The following RFX2 variants were observed in gnomAD, a reference collection of about 807,000 sequenced individuals.
RFX2 encodes the protein DNA-binding protein RFX2.
A neutral mutation model predicts 87.8 loss-of-function variants in RFX2; 20 were observed. The ratio of observed to expected loss-of-function variants is 0.23; its 90% CI spans 0.16 to 0.33. The LOEUF is 0.33. RFX2 is among the 10% of genes least tolerant of loss of function. The pLI is 1.00. For synonymous variants in RFX2, 397 were observed against 431.3 expected (o/e 0.92, Z 0.98); for missense variants, 767 against 1,012.3 (o/e 0.76, Z 3.29).
chr19:6,064,809 T>C lies in RFX2; in HGVS notation c.-8-17305A>G, dbSNP rs62107190. Among the ~76,000 whole-genome samples the C allele has an allele frequency of 5.3e-5, 8 of 152,050 alleles. No individual in the cohort carries two copies. The highest frequency in any genetic ancestry group is 1.0e-4 in the Non-Finnish European group (7 of 68,016). ...ACATAGGGGACCTTTTCAATCTACC[T>C]CCTACCTCCCCTCCAGTCGTGATTT... is the stretch of plus-strand genomic sequence containing the variant. On this transcript the variant is annotated intron_variant, in intron 1 of 17. Transcript: ENST00000303657. The surrounding 1 kb of genome is among the most constrained non-coding windows in gnomAD (Gnocchi z 4.8).
intron 7 of RFX2, among the ~76,000 whole-genome samples, chr19:6,015,802 A>C (rs1031485057): frequency 6.6e-6 from 1 of 152,174 alleles, no homozygotes; most frequent in Non-Finnish European, 1.5e-5. Context: ...CACCTGGCCC[A>C]GAGGCTGCTC....
At chr19:6,104,568 C>CA (rs576267913) in intron 1 of RFX2, among the ~76,000 whole-genome samples, 29,915 of 120,882 alleles carry the variant, frequency 0.25, 5,742 homozygotes, top group African/African-American at 0.55. Flanking sequence ...GACTCCATCT[C>CA]AAAAAAAAAA....
chr19:6,040,479 G>A lies in RFX2; in HGVS notation c.261-238C>T, dbSNP rs1464126164. Among the ~76,000 whole-genome samples the A allele has an allele frequency of 6.6e-6, 1 of 152,186 alleles. No individual in the cohort carries two copies. Among genetic ancestry groups the A allele is most frequent in the Non-Finnish European group, 1.5e-5 (1 of 68,042 alleles). The stretch of plus-strand genomic sequence containing the variant: ...AAAAGTGACCACTTAAAAATTCTAG[G>A]CCAGGCGTGGTGGCTCACGCCTGTA... On this transcript the variant is annotated intron_variant, in intron 4 of 17. Transcript: ENST00000303657. This position sits in a 1 kb window ranked among gnomAD's most constrained non-coding sequence, Gnocchi z 6.1.
At chr19:6,108,707 G>T (rs113206366) in intron 1 of RFX2, among the ~76,000 whole-genome samples, 1 of 152,190 alleles carries the variant, frequency 6.6e-6, no homozygotes, top group African/African-American at 2.4e-5. Context: ...TGAAGCCTGG[G>T]GGGGCGGGGG....
intron 1 of RFX2, chr19:6,073,264 G>A: frequency 1.3e-6 from 1 of 752,382 alleles, no homozygotes; most frequent in Non-Finnish European, 2.3e-6. Flanking sequence ...ACAGACATGA[G>A]CCACCGCGCC....
chr19:6,070,168 T>G (rs1238466888), intron 1 of RFX2, among the ~76,000 whole-genome samples: 8 of 114 alleles, frequency 0.07, no homozygotes, highest in South Asian at 0.17. Context: ...GGATGGGATG[T>G]GAATGGGATG....
intron 1 of RFX2, among the ~76,000 whole-genome samples, chr19:6,095,037 A>G (rs1489022587): frequency 3.3e-5 from 5 of 152,192 alleles, no homozygotes; most frequent in African/African-American, 1.2e-4. Context: ...GTGTGAACCC[A>G]GGAGGCAGAG....
intron 1 of RFX2, chr19:6,072,829 G>A (rs375976384): frequency 2.2e-5 from 28 of 1,269,290 alleles, no homozygotes; most frequent in East Asian, 2.2e-4. Flanking sequence ...CATCATGGCC[G>A]CCCTCAGACC....
chr19:6,075,808 C>T (rs577971090), intron 1 of RFX2, among the ~76,000 whole-genome samples: 5 of 152,290 alleles, frequency 3.3e-5, no homozygotes, highest in Non-Finnish European at 7.3e-5. Flanking sequence ...AGGCTGCAGA[C>T]ACTAGGACAC....
rs1002357062 is a variant in RFX2 at position 5,999,205 on chromosome 19, G to A, written c.1860-1992C>T. On this transcript the variant is annotated intron_variant, in intron 15 of 17. Transcript: ENST00000303657. The surrounding 1 kb of genome is among the most constrained non-coding windows in gnomAD (Gnocchi z 4.1). The stretch of plus-strand genomic sequence containing the variant: ...CGGGAAGGGGAGGTTGCAGTGAGCC[G>A]AGATCGCACCATTGCACTCCAGCCT... Among the ~76,000 whole-genome samples the A allele has an allele frequency of 2.0e-5, 3 of 152,164 alleles. No individual in the cohort carries two copies. The highest frequency in any genetic ancestry group is 1.9e-4 in the East Asian group (1 of 5,184).
intron 1 of RFX2, among the ~76,000 whole-genome samples, chr19:6,096,510 G>A (rs1054621506): frequency 2.6e-5 from 4 of 152,014 alleles, no homozygotes; most frequent in South Asian, 2.1e-4. Flanking sequence ...GCAGTGGCGC[G>A]ATCTCGGCTC....
At chr19:6,093,506 G>T (rs2087974921) in intron 1 of RFX2, among the ~76,000 whole-genome samples, 1 of 152,120 alleles carries the variant, frequency 6.6e-6, no homozygotes, top group Non-Finnish European at 1.5e-5. Context: ...CTGCACTCCA[G>T]CCTGGGCGAC....
intron 1 of RFX2, among the ~76,000 whole-genome samples, chr19:6,093,460 G>A (rs560536013): frequency 3.7e-4 from 56 of 152,236 alleles, no homozygotes; most frequent in African/African-American, 9.9e-4. Flanking sequence ...GCTTGAACCC[G>A]GGAGGCAGAG....
intron 1 of RFX2, among the ~76,000 whole-genome samples, chr19:6,068,601 G>A (rs1191694887): frequency 1.3e-5 from 2 of 152,218 alleles, no homozygotes; most frequent in African/African-American, 4.8e-5. Context: ...GTGGGACGGA[G>A]CTGTCCAGAT....
rs946029742 is a variant in RFX2 at position 6,061,730 on chromosome 19, G to A, written c.-8-14226C>T. Among the ~76,000 whole-genome samples, 8 of 152,238 alleles carry A rather than the reference G, an allele frequency of 5.3e-5. No homozygotes were observed. Among genetic ancestry groups the A allele is most frequent in the African/African-American group, 1.9e-4 (8 of 41,456 alleles). On this transcript the variant is annotated intron_variant, in intron 1 of 17. Coordinates refer to ENST00000303657, the MANE Select transcript of RFX2 (RefSeq NM_000635.4). This position sits in a 1 kb window ranked among gnomAD's most constrained non-coding sequence, Gnocchi z 5.2. ...GGTATGACCACCCGGAGCAGAGGGA[G>A]GAGGCCAGGCTTCAGGTTCAAGTCC...
At chr19:6,003,374 C>G (rs1205737412) in intron 13 of RFX2, among the ~76,000 whole-genome samples, 1 of 152,098 alleles carries the variant, frequency 6.6e-6, no homozygotes, top group Non-Finnish European at 1.5e-5. Flanking sequence ...CTGAATGTGA[C>G]TTTTTAACAA....
At chr19:6,069,995 T>A in intron 1 of RFX2, among the ~76,000 whole-genome samples, 1 of 151,268 alleles carries the variant, frequency 6.6e-6, no homozygotes, top group African/African-American at 2.4e-5. Flanking sequence ...ATGGATGGGA[T>A]GGGATGGGAT....
chr19:6,080,287 C>T (rs535632990), intron 1 of RFX2, among the ~76,000 whole-genome samples: 1 of 151,412 alleles, frequency 6.6e-6, no homozygotes, highest in East Asian at 1.9e-4. Context: ...TGAGGTCTTG[C>T]TTTGTTGCCC....
intron 7 of RFX2, among the ~76,000 whole-genome samples, chr19:6,015,223 T>A (rs906758740): frequency 2.7e-5 from 4 of 150,768 alleles, no homozygotes; most frequent in Non-Finnish European, 5.9e-5. Flanking sequence ...AGGCCAAGAG[T>A]TTGAGACCAG....
Sources: allele counts gnomAD v4.1 joint callset (sites outside exome capture counted in the v4.1 genomes callset), GRCh38; gene constraint gnomAD v4.1.1; non-coding constraint Gnocchi (gnomAD v3.1); transcripts MANE v1.5; gene names NCBI Gene and HGNC (gene_info 2026-07-23, HGNC 2026-07-21).